Variants in ANKHD1 observed in about 807,000 individuals in gnomAD.
ANKHD1 encodes ankyrin repeat and KH domain-containing protein 1.
ANKHD1 carries 31 observed loss-of-function variants against 230.5 expected under a neutral mutation model. The ratio of observed to expected loss-of-function variants is 0.13; its 90% CI spans 0.10 to 0.18. The LOEUF is 0.18. Among genes scored for constraint, ANKHD1 ranks in the 10% least tolerant of loss-of-function variants. The probability of loss-of-function intolerance (pLI) is 1.00; values close to 1 mark genes in which losing one functional copy is unlikely to be tolerated. For synonymous variants in ANKHD1, 1,074 were observed against 1,117.6 expected (o/e 0.96, Z 0.78); for missense variants, 2,256 against 3,071.3 (o/e 0.73, Z 6.27).
rs545790307 is a variant in ANKHD1, at chr5:140,537,540, T to C, written c.7179T>C (p.Ala2393=). The change falls in exon 31 of 34, where the codon GCT becomes GCC. Residue 2393 remains alanine, a synonymous_variant. Coordinates refer to ENST00000360839, the MANE Select transcript of ANKHD1 (RefSeq NM_017747.3). Reference sequence around the variant, plus strand: ...CCCCGGCGGGGACCAGTTTTGTCGCTCCCGTTGGACACAGTGGAATCTGGT... The same window carrying C: ...CCCCGGCGGGGACCAGTTTTGTCGCCCCCGTTGGACACAGTGGAATCTGGT... ...AQAPAGTSFV[A]PVGHSGIWSF... 2 of 1,611,392 alleles carry C rather than the reference T, an allele frequency of 1.2e-6. No individual in the cohort carries two copies. Among genetic ancestry groups the C allele is most frequent in the African/African-American group, 2.7e-5 (2 of 74,978 alleles).
chr5:140,404,646 G>GTTT (rs1344516301), intron 1 of ANKHD1, among the ~76,000 whole-genome samples: 1 of 151,666 alleles, frequency 6.6e-6, no homozygotes, highest in Non-Finnish European at 1.5e-5. Flanking sequence ...TGTTGGCCAG[G>GTTT]TGGGTCTCAA....
At position 140,419,820 on chromosome 5, in the gene ANKHD1, TTCTTTCTTTCTTTCTTTTTC is replaced by T. The variant is rs1771773135; in HGVS notation, c.307-16282_307-16263del. 3.2e-5 allele frequency among the ~76,000 whole-genome samples: 4 copies of T among 123,928 alleles called. No individual in the cohort carries two copies. The South Asian group carries it at 1.1e-3, about 34-fold the overall frequency. The allele number at this position is 123,928 out of a possible 152,430, so 81.3% of individuals were successfully genotyped here. ...TTTCTTTCTTTCTTTCTTTCTTTCT[TTCTTTCTTTCTTTCTTTTTC>T]TTTCTCTTTCTTTTTTTCTTTCTTT... On this transcript the variant is annotated intron_variant, in intron 1 of 33. Coordinates refer to ENST00000360839, the MANE Select transcript of ANKHD1 (RefSeq NM_017747.3).
At chr5:140,470,611 CTTTTTTTTTT>C (rs386405120) in intron 10 of ANKHD1, among the ~76,000 whole-genome samples, 24 of 71,774 alleles carry the variant, frequency 3.3e-4, no homozygotes, top group East Asian at 2.8e-3. Flanking sequence ...CTTGTTTCTG[CTTTTTTTTTT>C]TTTTTTTTTT....
intron 14 of ANKHD1, among the ~76,000 whole-genome samples, chr5:140,491,158 ATATTTTTTTTTT>A (rs1751778931): frequency 2.4e-5 from 2 of 83,414 alleles, no homozygotes; most frequent in Admixed American, 1.5e-4. Context: ...ATATATATAT[ATATTTTTTTTTT>A]TTTTTTTTTT....
At chr5:140,426,184 C>T (rs1192816620) in intron 1 of ANKHD1, among the ~76,000 whole-genome samples, 7 of 152,132 alleles carry the variant, frequency 4.6e-5, no homozygotes, top group Non-Finnish European at 8.8e-5. Flanking sequence ...GGCTGGAGTA[C>T]GGTGGCATGA....
In ANKHD1 at chr5:140,445,798, C is replaced by A; in HGVS notation, c.970C>A (p.Leu324Ile). 6.2e-7 allele frequency: 1 copy of A among 1,612,942 alleles called. No homozygotes were observed. The highest frequency in any genetic ancestry group is 8.5e-7 in the Non-Finnish European group (1 of 1,179,394). Residue 324 changes from leucine to isoleucine, a missense_variant, in exon 6 of 34, where the codon CTC becomes ATC. Physicochemically the swap from Leu to Ile is conservative, Grantham distance 5. Transcript: ENST00000360839. Reference protein sequence around the residue: ...AGGFVDIVKVLLNEGANIEDH... With the variant: ...AGGFVDIVKVILNEGANIEDH... ...AGGATTTGTTGACATTGTTAAAGTG[C>A]TCCTTAATGAAGGTGCAAATATAGA...
intron 5 of ANKHD1, among the ~76,000 whole-genome samples, chr5:140,442,939 A>G (rs1483744267): frequency 6.7e-6 from 1 of 149,918 alleles, no homozygotes; most frequent in East Asian, 2.0e-4. Context: ...GGAGTCTCGC[A>G]CTGTTGCCCA....
chr5:140,529,520 C>T lies in ANKHD1; in HGVS notation c.6574C>T (p.His2192Tyr). The change falls in exon 29 of 34, where the codon CAC becomes TAC. Residue 2192 changes from histidine to tyrosine, a missense_variant. Physicochemically the swap from His to Tyr is moderately conservative, Grantham distance 83. Around this residue, in one of 13 missense-constraint regions of ANKHD1, gnomAD observed 778 missense variants for 966.5 expected, o/e 0.80. Transcript: ENST00000360839. ...AVNIMNGSQM[H>Y]INPANKSLPP... ...GAACATTATGAATGGTTCTCAGATG[C>T]ACATAAACCCAGCAAATAAGTCTTT... is the stretch of plus-strand genomic sequence containing the variant. 6.2e-7 allele frequency: 1 copy of T among 1,614,216 alleles called. No homozygotes were observed. The highest frequency in any genetic ancestry group is 8.5e-7 in the Non-Finnish European group (1 of 1,180,034).
chr5:140,517,426 T>C (rs1753076638), intron 24 of ANKHD1, among the ~76,000 whole-genome samples: 1 of 151,340 alleles, frequency 6.6e-6, no homozygotes, highest in African/African-American at 2.4e-5. Context: ...AACTCAGCTC[T>C]GCACCAAGCG....
At chr5:140,524,384 A>G in intron 25 of ANKHD1, 144 bp downstream of exon 25, 1 of 1,348,986 alleles carries the variant, frequency 7.4e-7, no homozygotes, top group Non-Finnish European at 9.6e-7. Flanking sequence ...TATAGTAAAT[A>G]TTTGTAAGTG....
At chr5:140,512,724 CAAGGGATTCCTTTGT>C in intron 22 of ANKHD1, 89 bp from the exon 23 acceptor site, 1 of 1,063,422 alleles carries the variant, frequency 9.4e-7, no homozygotes, top group Non-Finnish European at 1.3e-6. Flanking sequence ...TATGCAAAAT[CAAGGGATTCCTTTGT>C]AATTCTGTTG....
At chr5:140,526,895 C>T (rs1258411757) in intron 26 of ANKHD1, 33 bp from the exon 27 acceptor site, 2 of 1,586,328 alleles carry the variant, frequency 1.3e-6, no homozygotes, top group Non-Finnish European at 1.7e-6. Context: ...TAAAACTTAT[C>T]TTTTATTGTA....
chr5:140,514,839 G>T (rs1052511679), intron 24 of ANKHD1, among the ~76,000 whole-genome samples: 1 of 152,060 alleles, frequency 6.6e-6, no homozygotes, highest in African/African-American at 2.4e-5. Flanking sequence ...GGGCATAGAG[G>T]TGCACACCTG....
intron 31 of ANKHD1, 54 bp downstream of exon 31, chr5:140,537,643 T>C: frequency 6.7e-7 from 1 of 1,483,398 alleles, no homozygotes; most frequent in Non-Finnish European, 8.9e-7. Flanking sequence ...GCTGTAGGTT[T>C]GCCATTAAAA....
intron 1 of ANKHD1, among the ~76,000 whole-genome samples, chr5:140,403,564 A>G (rs750663850): frequency 2.0e-4 from 31 of 152,140 alleles, no homozygotes; most frequent in Middle Eastern, 3.4e-3. Context: ...GGCGCGTGCC[A>G]CCACTCCCGG....
intron 1 of ANKHD1, among the ~76,000 whole-genome samples, chr5:140,404,963 ATGTCTGTGTGTG>A (rs1173742985): frequency 2.2e-5 from 2 of 89,970 alleles, no homozygotes; most frequent in African/African-American, 4.3e-5. Flanking sequence ...CTGACTGTGC[ATGTCTGTGTGTG>A]TGTGTGTGTG....
chr5:140,476,046 G>A (rs1014397979), intron 10 of ANKHD1, among the ~76,000 whole-genome samples: 16 of 152,162 alleles, frequency 1.1e-4, no homozygotes, highest in Non-Finnish European at 1.8e-4. Flanking sequence ...TGATAATTAC[G>A]TATTAAGAAC....
chr5:140,476,512 C>G lies in ANKHD1; in HGVS notation c.1783-6068C>G, dbSNP rs144108351. On this transcript the variant is annotated intron_variant, in intron 10 of 33. Coordinates refer to ENST00000360839, the MANE Select transcript of ANKHD1 (RefSeq NM_017747.3). Reference sequence around the variant, plus strand: ...ACCATCAAAGTTTTGACCTTCTCATCAGCAATAATAAATTACAGAAGATGA... The same window carrying G: ...ACCATCAAAGTTTTGACCTTCTCATGAGCAATAATAAATTACAGAAGATGA... Among the ~76,000 whole-genome samples the G allele has an allele frequency of 5.5e-4, 84 of 152,130 alleles. No homozygotes were observed. The South Asian group carries it at 9.1e-3, about 16-fold the overall frequency.
intron 1 of ANKHD1, among the ~76,000 whole-genome samples, chr5:140,430,537 A>T (rs983731767): frequency 6.6e-6 from 1 of 152,124 alleles, no homozygotes; most frequent in Admixed American, 6.6e-5. Flanking sequence ...CTTATCTGTT[A>T]TATATAGACA....
Sources: gnomAD v4.1 joint callset for allele counts (sites outside exome capture counted in the v4.1 genomes callset) on GRCh38, gnomAD v4.1.1 for gene constraint, gnomAD v4.1.1 regional missense constraint, MANE v1.5 for transcripts, NCBI Gene and HGNC (gene_info 2026-07-23, HGNC 2026-07-21) for gene names.